The following SEPTIN11 variants were observed in gnomAD, a reference collection of about 807,000 sequenced individuals.
The protein encoded by SEPTIN11 is septin-11.
Under a neutral mutation model 51.4 loss-of-function variants are expected in SEPTIN11, and 25 were observed. The observed-to-expected ratio is 0.49, with a 90% CI of 0.35 to 0.68. SEPTIN11 has a LOEUF of 0.68. Among genes scored for constraint, SEPTIN11 ranks in the 30% least tolerant of loss-of-function variants. The pLI is 0.00. For synonymous variants in SEPTIN11, 174 were observed against 184.1 expected, an observed-to-expected ratio of 0.95 and a Z score of 0.44; for missense variants, 381 against 520.8, an observed-to-expected ratio of 0.73 and a Z score of 2.61.
intron 2 of SEPTIN11, among the ~76,000 whole-genome samples, chr4:76,999,148 G>A (rs1360444419): frequency 1.3e-5 from 2 of 152,160 alleles, no homozygotes; most frequent in Admixed American, 6.5e-5. Context: ...TCTCCAGGTC[G>A]TTTTCCATAA....
chr4:76,979,312 T>C (rs988441104), intron 1 of SEPTIN11, among the ~76,000 whole-genome samples: 1 of 152,184 alleles, frequency 6.6e-6, no homozygotes, highest in Non-Finnish European at 1.5e-5. Context: ...CAGGGAAGGC[T>C]TAGTGAAGAA....
chr4:76,984,549 A>G lies in SEPTIN11; in HGVS notation c.28-11876A>G, dbSNP rs1031013994. Among the ~76,000 whole-genome samples the G allele has an allele frequency of 3.9e-5, 6 of 152,250 alleles. No homozygotes were observed. The South Asian group carries it at 1.2e-3, about 31-fold the overall frequency. ...TGAATAGAAATAGATGAACTGAGCC[A>G]CAATATTTCTCAAACAGGAAATACT... On this transcript the variant is annotated intron_variant, in intron 1 of 9. Transcript: ENST00000264893. This position sits in a 1 kb window ranked among gnomAD's most constrained non-coding sequence, Gnocchi z 4.1.
intron 1 of SEPTIN11, among the ~76,000 whole-genome samples, chr4:76,954,657 T>C (rs1721482665): frequency 6.6e-6 from 1 of 152,228 alleles, no homozygotes; most frequent in South Asian, 2.1e-4. Context: ...TTCACATTGT[T>C]CCAGGCTTGA....
At chr4:76,955,351 T>C (rs2109877770) in intron 1 of SEPTIN11, among the ~76,000 whole-genome samples, 1 of 152,116 alleles carries the variant, frequency 6.6e-6, no homozygotes, top group South Asian at 2.1e-4. Flanking sequence ...GAAAGGGAGA[T>C]GGGGAGGTGG....
At chr4:77,022,432 A>G (rs748787478) in intron 7 of SEPTIN11, among the ~76,000 whole-genome samples, 1 of 152,054 alleles carries the variant, frequency 6.6e-6, no homozygotes, top group Non-Finnish European at 1.5e-5. Flanking sequence ...GTAAAAAAAA[A>G]TTTTTTTCCA....
intron 1 of SEPTIN11, chr4:76,959,082 A>C: frequency 1.5e-6 from 1 of 666,856 alleles, no homozygotes; most frequent in Non-Finnish European, 2.9e-6. Flanking sequence ...GGCCCACACC[A>C]TGTGGCTGAG....
chr4:77,003,640 T>C (rs904749200), intron 2 of SEPTIN11, among the ~76,000 whole-genome samples: 9 of 152,172 alleles, frequency 5.9e-5, no homozygotes, highest in African/African-American at 2.2e-4. Context: ...AAGTGAATCA[T>C]CATAGTTACA....
intron 1 of SEPTIN11, chr4:76,995,885 G>A (rs1230060812): frequency 2.0e-6 from 3 of 1,535,620 alleles, no homozygotes; most frequent in Non-Finnish European, 2.6e-6. Flanking sequence ...AAAACTAATG[G>A]AGGAGAGGAA....
chr4:76,976,151 T>C (rs1722489759), intron 1 of SEPTIN11, among the ~76,000 whole-genome samples: 1 of 152,226 alleles, frequency 6.6e-6, no homozygotes, highest in South Asian at 2.1e-4. Flanking sequence ...ACTTATATAC[T>C]TAAAGAAACC....
At chr4:77,032,289 T>C (rs546381336) in intron 9 of SEPTIN11, 1 of 152,340 alleles carries the variant, frequency 6.6e-6, no homozygotes, top group African/African-American at 2.4e-5. Context: ...GTGATTTTAT[T>C]TGGAGTTGGC....
intron 8 of SEPTIN11, 140 bp from the exon 9 acceptor site, chr4:77,030,643 C>G: frequency 3.0e-6 from 2 of 673,262 alleles, no homozygotes; most frequent in South Asian, 4.2e-5. Context: ...GATCCACCCA[C>G]CTCGGCCTCC....
rs182772448 is a variant in SEPTIN11 at position 76,961,160 on chromosome 4, G to C, written c.27+11230G>C. The stretch of plus-strand genomic sequence containing the variant: ...TTTTCTTAGTAAACATGAGGAACTT[G>C]GCTTAGCATTCAGAAATAATAAGGC... On this transcript the variant is annotated intron_variant, in intron 1 of 9. Coordinates refer to ENST00000264893, the MANE Select transcript of SEPTIN11 (RefSeq NM_018243.4). Among the ~76,000 whole-genome samples the C allele has an allele frequency of 1.3e-3, 200 of 152,248 alleles. 1 individual carries two copies. The highest frequency in any genetic ancestry group is 4.7e-3 in the African/African-American group (194 of 41,544).
At chr4:77,009,019 CA>C (rs1347756223) in intron 3 of SEPTIN11, among the ~76,000 whole-genome samples, 1 of 152,194 alleles carries the variant, frequency 6.6e-6, no homozygotes, top group Non-Finnish European at 1.5e-5. Flanking sequence ...AGTACAAAAC[CA>C]CTTGGCTGGC....
intron 1 of SEPTIN11, among the ~76,000 whole-genome samples, chr4:76,954,096 A>G (rs1721460869): frequency 6.6e-6 from 1 of 152,200 alleles, no homozygotes; most frequent in African/African-American, 2.4e-5. Context: ...AAAAGGAACA[A>G]ATGATTGTGG....
At chr4:77,016,483 T>C (rs1725237206) in intron 5 of SEPTIN11, among the ~76,000 whole-genome samples, 2 of 146,246 alleles carry the variant, frequency 1.4e-5, no homozygotes, top group Admixed American at 1.4e-4. Context: ...ACAAAATATA[T>C]ATATATATGT....
rs375907765 is a variant in SEPTIN11 at position 77,036,068 on chromosome 4, T to C, written c.*1556T>C. ...GTCTCCATTTTGATTTCAGCAAAGA[T>C]TTTTTCTCCTTTTCTTTGTCCTCAA... is the stretch of plus-strand genomic sequence containing the variant. On this transcript the variant is annotated 3_prime_UTR_variant, in exon 10 of 10. Coordinates refer to ENST00000264893, the MANE Select transcript of SEPTIN11 (RefSeq NM_018243.4). 10 of 985,928 alleles carry C rather than the reference T, an allele frequency of 1.0e-5. No individual in the cohort carries two copies. In the East Asian group the frequency reaches 6.8e-4, roughly 67 times the overall value. The allele number at this position is 985,928 out of a possible 1,614,324, so 61.1% of individuals were successfully genotyped here.
At chr4:77,012,357 G>A (rs1053753306) in intron 4 of SEPTIN11, among the ~76,000 whole-genome samples, 1 of 152,182 alleles carries the variant, frequency 6.6e-6, no homozygotes, top group African/African-American at 2.4e-5. Context: ...GTGTGTTCAA[G>A]TAAAGCAAAG....
At chr4:76,973,443 G>A (rs1288222539) in intron 1 of SEPTIN11, among the ~76,000 whole-genome samples, 3 of 152,302 alleles carry the variant, frequency 2.0e-5, no homozygotes, top group Admixed American at 6.5e-5. Flanking sequence ...GCCACGCAGC[G>A]CAGCACAAGG....
downstream of SEPTIN11, among the ~76,000 whole-genome samples, chr4:77,038,821 C>A (rs998868352): frequency 5.9e-5 from 9 of 152,092 alleles, no homozygotes; most frequent in Admixed American, 6.5e-5. Context: ...CATGTTATCA[C>A]CCTTTTTCCC....
Sources: gnomAD v4.1 joint callset for allele counts (sites outside exome capture counted in the v4.1 genomes callset) on GRCh38, gnomAD v4.1.1 for gene constraint, Gnocchi (gnomAD v3.1) non-coding constraint, MANE v1.5 for transcripts, NCBI Gene and HGNC (gene_info 2026-07-23, HGNC 2026-07-21) for gene names.